The following SUMF1 variants were observed in gnomAD, a reference collection of about 807,000 sequenced individuals.
SUMF1 encodes sulfatase modifying factor 1.
SUMF1 carries 48 observed loss-of-function variants against 47.6 expected under a neutral mutation model. The ratio of observed to expected loss-of-function variants is 1.01; its 90% CI spans 0.80 to 1.28. SUMF1 has a LOEUF of 1.28. SUMF1 is among the 50% of genes most tolerant of loss of function. The pLI, the probability that SUMF1 is intolerant of heterozygous loss-of-function variation, is 0.00. For synonymous variants in SUMF1, 230 were observed against 192.1 expected, an observed-to-expected ratio of 1.20 and a Z score of -1.63; for missense variants, 571 against 485.4, an observed-to-expected ratio of 1.18 and a Z score of -1.66.
chr3:4,350,463 G>A (rs1012921233), intron 8 of SUMF1, among the ~76,000 whole-genome samples: 9 of 151,928 alleles, frequency 5.9e-5, no homozygotes, highest in African/African-American at 1.2e-4. Context: ...TTAAAAGTCT[G>A]GAAAGATAGA....
chr3:4,355,116 G>A (rs1699589618), intron 8 of SUMF1, among the ~76,000 whole-genome samples: 1 of 152,172 alleles, frequency 6.6e-6, no homozygotes, highest in Non-Finnish European at 1.5e-5. Context: ...TTGGGATGCT[G>A]AGGCAAGTGG....
At chr3:4,428,407 G>A (rs1702132288) in intron 3 of SUMF1, among the ~76,000 whole-genome samples, 1 of 152,046 alleles carries the variant, frequency 6.6e-6, no homozygotes, top group African/African-American at 2.4e-5. Context: ...AGGTTGGAGT[G>A]CAGTGGCACT....
intron 9 of SUMF1, among the ~76,000 whole-genome samples, chr3:4,060,102 A>G (rs1416445501): frequency 2.6e-5 from 4 of 152,204 alleles, no homozygotes; most frequent in Non-Finnish European, 4.4e-5. Flanking sequence ...AGGCTGATAA[A>G]GAAGTTATGA....
intron 2 of SUMF1, 78 bp downstream of exon 2, chr3:4,452,798 C>T (rs925222239): frequency 6.5e-6 from 10 of 1,548,824 alleles, no homozygotes; most frequent in East Asian, 4.5e-5. Context: ...AATGGTCAGT[C>T]AATCTTAGCT....
intron 3 of SUMF1, among the ~76,000 whole-genome samples, chr3:4,444,214 C>T (rs1372577726): frequency 1.3e-5 from 2 of 152,158 alleles, no homozygotes; most frequent in Admixed American, 6.5e-5. Flanking sequence ...GATTTCATAT[C>T]CAGAAAAGTT....
chr3:4,214,780 A>G (rs978689806), intron 8 of SUMF1, among the ~76,000 whole-genome samples: 4 of 94,004 alleles, frequency 4.3e-5, no homozygotes, highest in Non-Finnish European at 8.9e-5. Flanking sequence ...CTGCGAAAAT[A>G]AGCTAAAAAA....
chr3:4,301,820 C>G (rs1052969556), intron 8 of SUMF1, among the ~76,000 whole-genome samples: 1 of 152,174 alleles, frequency 6.6e-6, no homozygotes, highest in Non-Finnish European at 1.5e-5. Context: ...CAATCATTAG[C>G]TGAATATGCG....
intron 8 of SUMF1, among the ~76,000 whole-genome samples, chr3:4,075,029 G>A (rs1362145097): frequency 1.3e-5 from 2 of 152,070 alleles, no homozygotes; most frequent in African/African-American, 2.4e-5. Context: ...AAGCCTGGCA[G>A]AGACACAACA....
chr3:4,229,738 G>A (rs1430832156), intron 8 of SUMF1, among the ~76,000 whole-genome samples: 1 of 152,006 alleles, frequency 6.6e-6, no homozygotes, highest in African/African-American at 2.4e-5. Context: ...TCAGAGCCAG[G>A]CACAGTGGCT....
intron 8 of SUMF1, among the ~76,000 whole-genome samples, chr3:4,286,614 C>A (rs761474782): frequency 1.3e-5 from 2 of 151,682 alleles, no homozygotes; most frequent in African/African-American, 2.4e-5. Flanking sequence ...CCCATGATTC[C>A]AAGAGAAAAT....
chr3:4,059,978 C>T (rs1355137106), intron 9 of SUMF1, among the ~76,000 whole-genome samples: 3 of 152,084 alleles, frequency 2.0e-5, no homozygotes, highest in African/African-American at 4.8e-5. Flanking sequence ...AAAGAAGGTG[C>T]AGGAAGCCTG....
chr3:4,044,176 T>G (rs1694964683), intron 9 of SUMF1, among the ~76,000 whole-genome samples: 1 of 152,158 alleles, frequency 6.6e-6, no homozygotes, highest in Non-Finnish European at 1.5e-5. Context: ...CCTTCTTATG[T>G]TAGAATGCGT....
At chr3:4,288,574 C>A (rs1697680338) in intron 8 of SUMF1, among the ~76,000 whole-genome samples, 1 of 152,050 alleles carries the variant, frequency 6.6e-6, no homozygotes, top group African/African-American at 2.4e-5. Flanking sequence ...ACAAGGCTGG[C>A]AGATCACAAA....
At chr3:4,108,742 C>A (rs952813390) in intron 8 of SUMF1, among the ~76,000 whole-genome samples, 10 of 152,210 alleles carry the variant, frequency 6.6e-5, no homozygotes, top group East Asian at 3.9e-4. Flanking sequence ...ACTAGGATTG[C>A]AACCCCTGCC....
chr3:4,176,087 G>A (rs1694953791), intron 8 of SUMF1, among the ~76,000 whole-genome samples: 2 of 152,186 alleles, frequency 1.3e-5, no homozygotes, highest in Admixed American at 1.3e-4. Context: ...GTGATGGGGA[G>A]AGTGGAACCA....
At chr3:4,129,956 T>G (rs954996858) in intron 8 of SUMF1, among the ~76,000 whole-genome samples, 1 of 152,032 alleles carries the variant, frequency 6.6e-6, no homozygotes, top group Non-Finnish European at 1.5e-5. Flanking sequence ...CCCTGTCTGG[T>G]AGGGTGAGGG....
chr3:4,252,182 A>G (rs766874079), intron 8 of SUMF1, among the ~76,000 whole-genome samples: 5 of 152,182 alleles, frequency 3.3e-5, no homozygotes, highest in Admixed American at 1.3e-4. Context: ...CTAATCTACA[A>G]AATATACTGT....
chr3:4,158,883 A>C (rs1215402475), intron 8 of SUMF1, among the ~76,000 whole-genome samples: 3 of 151,272 alleles, frequency 2.0e-5, no homozygotes, highest in African/African-American at 7.4e-5. Flanking sequence ...TTATATGTGA[A>C]GTGTGTTTCT....
chr3:4,128,127 G>A (rs1452073988), intron 8 of SUMF1, among the ~76,000 whole-genome samples: 5 of 152,092 alleles, frequency 3.3e-5, no homozygotes. Flanking sequence ...CAGATACTGA[G>A]CTTCAAATCT....
Sources: allele counts gnomAD v4.1 joint callset (sites outside exome capture counted in the v4.1 genomes callset), GRCh38; gene constraint gnomAD v4.1.1; transcripts MANE v1.5; gene names NCBI Gene and HGNC (gene_info 2026-07-23, HGNC 2026-07-21).